Variants in EXOC6B observed in about 807,000 individuals in gnomAD.
The protein encoded by EXOC6B is exocyst complex component 6B, also known as SEC15 homolog B.
A neutral mutation model predicts 113.5 loss-of-function variants in EXOC6B; 54 were observed. The observed-to-expected ratio is 0.48, with a 90% CI of 0.38 to 0.60. The LOEUF is 0.60. Among genes scored for constraint, EXOC6B ranks in the 20% least tolerant of loss-of-function variants. The pLI is 0.00. For missense variants in EXOC6B, 797 were observed against 977.5 expected (o/e 0.82, Z 2.46); for synonymous variants, 357 against 339.0 (o/e 1.05, Z -0.58).
At chr2:72,698,998 C>A (rs1361063629) in intron 6 of EXOC6B, among the ~76,000 whole-genome samples, 2 of 152,176 alleles carry the variant, frequency 1.3e-5, no homozygotes, top group Non-Finnish European at 2.9e-5. Flanking sequence ...GAACATATAT[C>A]TATTTCAGAG....
intron 6 of EXOC6B, among the ~76,000 whole-genome samples, chr2:72,699,905 G>A (rs1678189058): frequency 6.6e-6 from 1 of 152,088 alleles, no homozygotes; most frequent in Non-Finnish European, 1.5e-5. Flanking sequence ...TCATCCCTCA[G>A]TATCCACAAG....
At chr2:72,514,942 CACACACACACAG>C in intron 9 of EXOC6B, 89 bp downstream of exon 9, 1 of 941,386 alleles carries the variant, frequency 1.1e-6, no homozygotes, top group Non-Finnish European at 1.5e-6. Flanking sequence ...TGACAGTAAA[CACACACACACAG>C]ACACACACAC....
At chr2:72,465,945 A>C (rs1698022959) in intron 17 of EXOC6B, among the ~76,000 whole-genome samples, 1 of 152,212 alleles carries the variant, frequency 6.6e-6, no homozygotes, top group Non-Finnish European at 1.5e-5. Flanking sequence ...AATGAAATCC[A>C]ATAGCTTCCA....
intron 20 of EXOC6B, among the ~76,000 whole-genome samples, chr2:72,310,899 T>A (rs957626487): frequency 2.7e-5 from 4 of 146,118 alleles, no homozygotes; most frequent in African/African-American, 1.0e-4. Flanking sequence ...AGAGCTAGTA[T>A]TAATATTATA....
chr2:72,512,880 C>T (rs1193966619), intron 11 of EXOC6B, among the ~76,000 whole-genome samples: 2 of 151,934 alleles, frequency 1.3e-5, no homozygotes, highest in Non-Finnish European at 2.9e-5. Context: ...AACAGAACAA[C>T]GTCTGACACA....
chr2:72,783,160 A>C (rs2105000262), intron 1 of EXOC6B, among the ~76,000 whole-genome samples: 1 of 147,172 alleles, frequency 6.8e-6, no homozygotes, highest in South Asian at 2.1e-4. Flanking sequence ...TTTACTCCAT[A>C]CCCTTTCCAA....
In EXOC6B at chr2:72,423,762, TACACACATGCAC is replaced by T. The variant is rs1331991794; in HGVS notation, c.1980+41386_1980+41397del. On this transcript the variant is annotated intron_variant, in intron 18 of 21. Transcript: ENST00000272427. ...ACATACATACACGTGCACACATACA[TACACACATGCAC>T]ACACACATGAACACACACACTTATT... 5.3e-5 allele frequency among the ~76,000 whole-genome samples: 8 copies of T among 152,100 alleles called. No individual in the cohort carries two copies. The East Asian group carries it at 1.5e-3, about 29-fold the overall frequency.
chr2:72,619,140 G>A (rs1671584891), intron 6 of EXOC6B, among the ~76,000 whole-genome samples: 1 of 151,798 alleles, frequency 6.6e-6, no homozygotes, highest in Admixed American at 6.6e-5. Context: ...CTACCACATG[G>A]AAAGCCAGCC....
chr2:72,819,794 T>C (rs775420756), intron 1 of EXOC6B, among the ~76,000 whole-genome samples: 13 of 152,198 alleles, frequency 8.5e-5, no homozygotes, highest in Non-Finnish European at 1.6e-4. Context: ...GCATCATTCA[T>C]GCTACCTGCT....
chr2:72,211,892 AG>A (rs1321313778), intron 20 of EXOC6B, among the ~76,000 whole-genome samples: 1 of 152,140 alleles, frequency 6.6e-6, no homozygotes, highest in East Asian at 1.9e-4. Flanking sequence ...TGCTGCTTAA[AG>A]TTTATCCCAG....
At chr2:72,254,811 T>C (rs1448386654) in intron 20 of EXOC6B, among the ~76,000 whole-genome samples, 2 of 152,180 alleles carry the variant, frequency 1.3e-5, no homozygotes, top group Admixed American at 6.5e-5. Flanking sequence ...GAGTAGAAAG[T>C]AGAGCTTGTA....
intron 17 of EXOC6B, among the ~76,000 whole-genome samples, chr2:72,477,393 T>C (rs905249901): frequency 6.6e-6 from 1 of 152,172 alleles, no homozygotes; most frequent in African/African-American, 2.4e-5. Context: ...ACACCCAATC[T>C]AGTACTAAGA....
intron 8 of EXOC6B, among the ~76,000 whole-genome samples, chr2:72,539,937 T>C: frequency 8.5e-6 from 1 of 118,282 alleles, no homozygotes; most frequent in Non-Finnish European, 1.7e-5. Flanking sequence ...CCTAATGCTA[T>C]CCCTCCCCCC....
rs181123012 is a variant in EXOC6B at position 72,406,835 on chromosome 2, G to A, written c.1981-26965C>T. Among the ~76,000 whole-genome samples, 550 of 152,118 alleles carry A rather than the reference G, an allele frequency of 3.6e-3. 4 individuals are homozygous for A. The highest frequency in any genetic ancestry group is 0.012 in the African/African-American group (498 of 41,486). ...AAACACATTCAAAAGCTAGCAGAAG[G>A]CAAGAAATAACTAAGATCAGAGCAG... On this transcript the variant is annotated intron_variant, in intron 18 of 21. Coordinates refer to ENST00000272427, the MANE Select transcript of EXOC6B (RefSeq NM_015189.3).
chr2:72,401,494 CATATATATAT>C lies in EXOC6B; in HGVS notation c.1981-21634_1981-21625del, dbSNP rs1170388566. Among the ~76,000 whole-genome samples, 13 of 59,644 alleles carry C rather than the reference CATATATATAT, an allele frequency of 2.2e-4. 1 individual carries two copies. The highest frequency in any genetic ancestry group is 1.2e-3 in the African/African-American group (13 of 11,216). The allele number at this position is 59,644 out of a possible 152,430, so 39.1% of individuals were successfully genotyped here. A position where few individuals can be genotyped will look rare whatever the true frequency, so the allele number is the denominator to read the frequency against. On this transcript the variant is annotated intron_variant, in intron 18 of 21. Transcript: ENST00000272427. ...AAAAACACAGAAAATATTTTATATA[CATATATATAT>C]ATATATATATACATATATACATATA...
At chr2:72,354,653 T>C (rs1287286875) in intron 19 of EXOC6B, among the ~76,000 whole-genome samples, 1 of 152,212 alleles carries the variant, frequency 6.6e-6, no homozygotes, top group Non-Finnish European at 1.5e-5. Flanking sequence ...GAGTGGGTAC[T>C]ACTCATTGAC....
At chr2:72,704,078 T>G (rs1322006592) in intron 6 of EXOC6B, among the ~76,000 whole-genome samples, 1 of 150,400 alleles carries the variant, frequency 6.6e-6, no homozygotes, top group Non-Finnish European at 1.5e-5. Flanking sequence ...TACTGGGAAG[T>G]AAAGCTCTCC....
At chr2:72,574,668 G>T (rs1274306102) in intron 7 of EXOC6B, among the ~76,000 whole-genome samples, 2 of 152,100 alleles carry the variant, frequency 1.3e-5, no homozygotes, top group Non-Finnish European at 1.5e-5. Flanking sequence ...AAAAGTAAAT[G>T]ATATGATTAT....
chr2:72,770,900 A>G (rs1315243605), intron 1 of EXOC6B, among the ~76,000 whole-genome samples: 1 of 152,188 alleles, frequency 6.6e-6, no homozygotes, highest in African/African-American at 2.4e-5. Flanking sequence ...AAAGAAAAAA[A>G]GGAAGCCATT....
Sources: gnomAD v4.1 joint callset for allele counts (sites outside exome capture counted in the v4.1 genomes callset) on GRCh38, gnomAD v4.1.1 for gene constraint, MANE v1.5 for transcripts, NCBI Gene and HGNC (gene_info 2026-07-23, HGNC 2026-07-21) for gene names.